Variants in RPN2 observed in about 807,000 individuals in gnomAD.
The protein encoded by RPN2 is ribophorin II, also known as dolichyl-diphosphooligosaccharide--protein glycosyltransferase subunit 2.
In RPN2, 29 loss-of-function variants were observed where a neutral mutation model predicts 71.4. That is an observed-to-expected ratio of 0.41 (90% CI 0.30 to 0.55). RPN2 has a LOEUF of 0.55. RPN2 is among the 20% of genes least tolerant of loss of function. The probability of loss-of-function intolerance (pLI) is 0.35; values close to 1 mark genes in which losing one functional copy is unlikely to be tolerated. For synonymous variants in RPN2, 308 were observed against 305.0 expected, an observed-to-expected ratio of 1.01 and a Z score of -0.10; for missense variants, 726 against 774.1, an observed-to-expected ratio of 0.94 and a Z score of 0.74.
In RPN2 at chr20:37,223,981, G is replaced by A. The variant is rs1208599072; in HGVS notation, c.1184+12G>A. On this transcript the variant is annotated intron_variant, in intron 10 of 16. Coordinates refer to ENST00000237530, the MANE Select transcript of RPN2 (RefSeq NM_002951.5). The stretch of plus-strand genomic sequence containing the variant: ...CCCAAAACTACCCGGTAGGTGAGAT[G>A]CCACCTGATCACTCAGGGAGCTGAG... 3 of 1,609,502 alleles carry A rather than the reference G, an allele frequency of 1.9e-6. No homozygotes were observed. Among genetic ancestry groups the A allele is most frequent in the Non-Finnish European group, 2.6e-6 (3 of 1,175,986 alleles).
At chr20:37,200,081 G>T (rs1181254554) in intron 4 of RPN2, among the ~76,000 whole-genome samples, 1 of 151,730 alleles carries the variant, frequency 6.6e-6, no homozygotes, top group Admixed American at 6.6e-5. Context: ...TGCAACCTCC[G>T]CCTCCCGGGT....
At chr20:37,187,110 G>A (rs1224036623) in intron 2 of RPN2, among the ~76,000 whole-genome samples, 1 of 152,126 alleles carries the variant, frequency 6.6e-6, no homozygotes, top group South Asian at 2.1e-4. Flanking sequence ...ATAGTATATA[G>A]TAGGGATTTG....
chr20:37,235,381 C>A (rs992912814), intron 15 of RPN2, among the ~76,000 whole-genome samples: 8 of 152,122 alleles, frequency 5.3e-5, no homozygotes, highest in African/African-American at 1.9e-4. Flanking sequence ...TCATCATAGC[C>A]CTGATGAGGG....
At chr20:37,206,227 T>G (rs1351002008) in intron 6 of RPN2, among the ~76,000 whole-genome samples, 1 of 152,246 alleles carries the variant, frequency 6.6e-6, no homozygotes, top group Non-Finnish European at 1.5e-5. Context: ...GCTTTTAGTT[T>G]TCTCCTCTAA....
At chr20:37,200,167 A>G (rs942695626) in intron 4 of RPN2, among the ~76,000 whole-genome samples, 1 of 152,056 alleles carries the variant, frequency 6.6e-6, no homozygotes, top group African/African-American at 2.4e-5. Flanking sequence ...CAATTTTTGT[A>G]TTTTTAGTAG....
chr20:37,211,994 C>T (rs186496949), intron 8 of RPN2, among the ~76,000 whole-genome samples: 2 of 152,202 alleles, frequency 1.3e-5, no homozygotes, highest in Admixed American at 1.3e-4. Flanking sequence ...GGATTATAGG[C>T]GTGTGACCTC....
intron 16 of RPN2, among the ~76,000 whole-genome samples, chr20:37,238,012 T>G (rs1254091683): frequency 6.6e-6 from 1 of 152,088 alleles, no homozygotes; most frequent in Non-Finnish European, 1.5e-5. Context: ...GGCAACATAG[T>G]GAGACCTCGT....
In RPN2 at chr20:37,232,303, TC is replaced by T; in HGVS notation, c.1591del (p.Arg531AlafsTer18). 1 of 1,614,224 alleles carries T rather than the reference TC, an allele frequency of 6.2e-7. No homozygotes were observed. The highest frequency in any genetic ancestry group is 1.1e-5 in the South Asian group (1 of 91,080). ...TGGTGTGTCTTTCGGCAGCACCTGT[TC>T]CGCGAGCCTGAGAAGAGGCCCCCCA... The part of the protein sequence containing the change: ...FTPKQEIQHL[F>X]REPEKRPPTV... On this transcript the variant is annotated frameshift_variant, in exon 14 of 17. Transcript: ENST00000237530. LOFTEE classifies it high-confidence loss of function.
chr20:37,233,411 CAG>C (rs1229504657), intron 14 of RPN2, among the ~76,000 whole-genome samples: 2 of 152,062 alleles, frequency 1.3e-5, no homozygotes, highest in African/African-American at 4.8e-5. Flanking sequence ...CCTCAAAGCT[CAG>C]AGAATTTTGA....
At chr20:37,232,228 C>T in intron 13 of RPN2, 68 bp from the exon 14 acceptor site, 2 of 1,585,010 alleles carry the variant, frequency 1.3e-6, no homozygotes, top group Non-Finnish European at 1.7e-6. Context: ...GCTTTGGTCC[C>T]CGGTATACAT....
In RPN2 at chr20:37,210,091, T is replaced by C; in HGVS notation, c.912T>C (p.Thr304=). 1 of 1,614,210 alleles carries C rather than the reference T, an allele frequency of 6.2e-7. No individual in the cohort carries two copies. Among genetic ancestry groups the C allele is most frequent in the South Asian group, 1.1e-5 (1 of 91,088 alleles). The stretch of plus-strand genomic sequence containing the variant: ...TGTCTCAGCCTCTGACTCAGGCCAC[T>C]GTTAAACTAGAACATGCTAAATCTG... ...NVLSQPLTQA[T]VKLEHAKSVA... The change falls in exon 8 of 17, where the codon ACT becomes ACC. Residue 304 remains threonine (T), a synonymous_variant. Coordinates refer to ENST00000237530, the MANE Select transcript of RPN2 (RefSeq NM_002951.5).
At chr20:37,225,327 C>A (rs935463725) in intron 10 of RPN2, among the ~76,000 whole-genome samples, 1 of 152,206 alleles carries the variant, frequency 6.6e-6, no homozygotes, top group East Asian at 1.9e-4. Context: ...TTTCTCCTTG[C>A]GGTTCTGCCA....
intron 2 of RPN2, among the ~76,000 whole-genome samples, chr20:37,185,345 C>A (rs1448307509): frequency 6.6e-6 from 1 of 152,064 alleles, no homozygotes; most frequent in Non-Finnish European, 1.5e-5. Context: ...CCATGTTGCC[C>A]AGGCTGGTCT....
At chr20:37,204,007 C>A (rs2067455333) in intron 5 of RPN2, 47 bp downstream of exon 5, 1 of 1,364,322 alleles carries the variant, frequency 7.3e-7, no homozygotes, top group Non-Finnish European at 1.0e-6. Context: ...GTCTTTGACA[C>A]TCTGCAGAAG....
At position 37,198,663 on chromosome 20, in the gene RPN2, C is replaced by T. The variant is rs118052143; in HGVS notation, c.303+171C>T. 3.5e-3 allele frequency among the ~76,000 whole-genome samples: 527 copies of T among 151,416 alleles called. 1 individual carries two copies. Among genetic ancestry groups the T allele is most frequent in the Middle Eastern group, 6.8e-3 (2 of 292 alleles). ...TTAAGAAAGTATAGTTTATGTTTCT[C>T]CTAAGTTTTTACTTTTCAAGGGTTT... On this transcript the variant is annotated intron_variant, in intron 3 of 16. Transcript: ENST00000237530.
At position 37,218,938 on chromosome 20, in the gene RPN2, A is replaced by G. The variant is rs567871944; in HGVS notation, c.1093-4940A>G. On this transcript the variant is annotated intron_variant, in intron 9 of 16. Transcript: ENST00000237530. ...CCGACTTATCAGTTAATGACATTTGAGGTATTTCTCTTTTTTGGCTCTTAT... is the reference window on the plus strand; with the variant it reads ...CCGACTTATCAGTTAATGACATTTGGGGTATTTCTCTTTTTTGGCTCTTAT... 2.0e-5 allele frequency among the ~76,000 whole-genome samples: 3 copies of G among 152,058 alleles called. No homozygotes were observed. In the South Asian group the frequency reaches 6.2e-4, roughly 32 times the overall value.
At chr20:37,231,893 G>A (rs1169640005) in intron 13 of RPN2, among the ~76,000 whole-genome samples, 1 of 152,056 alleles carries the variant, frequency 6.6e-6, no homozygotes, top group Admixed American at 6.5e-5. Context: ...ATTTGCCAGG[G>A]CCACCCTAGG....
intron 9 of RPN2, among the ~76,000 whole-genome samples, chr20:37,216,415 G>T (rs1173410834): frequency 6.6e-6 from 1 of 151,770 alleles, no homozygotes; most frequent in Non-Finnish European, 1.5e-5. Flanking sequence ...AAACAATCCT[G>T]TGCTACCCCA....
intron 2 of RPN2, among the ~76,000 whole-genome samples, chr20:37,189,024 C>T (rs1182084798): frequency 6.6e-6 from 1 of 152,004 alleles, no homozygotes; most frequent in East Asian, 1.9e-4. Context: ...ACCTCCGCCT[C>T]GTAGGTTCAA....
Sources: gnomAD v4.1 joint callset for allele counts (sites outside exome capture counted in the v4.1 genomes callset) on GRCh38, gnomAD v4.1.1 for gene constraint, MANE v1.5 for transcripts, NCBI Gene and HGNC (gene_info 2026-07-23, HGNC 2026-07-21) for gene names.